The following ASAP1 variants were observed in gnomAD, a reference collection of about 807,000 sequenced individuals.
The protein encoded by ASAP1 is arf-GAP with SH3 domain, ANK repeat and PH domain-containing protein 1.
A neutral mutation model predicts 145.2 loss-of-function variants in ASAP1; 43 were observed. The observed-to-expected ratio is 0.30, with a 90% CI of 0.23 to 0.38. ASAP1 has a LOEUF of 0.38. Among genes scored for constraint, ASAP1 ranks in the 10% least tolerant of loss-of-function variants. The pLI is 1.00. For missense variants in ASAP1, 1,018 were observed against 1,355.3 expected (o/e 0.75, Z 3.91); for synonymous variants, 546 against 515.5 (o/e 1.06, Z -0.80).
chr8:130,224,956 A>G (rs1186495502), intron 4 of ASAP1, among the ~76,000 whole-genome samples: 2 of 152,228 alleles, frequency 1.3e-5, no homozygotes, highest in African/African-American at 4.8e-5. Context: ...AGCAATGCAC[A>G]TATAAAAGGG....
chr8:130,396,297 T>A (rs777895018), intron 2 of ASAP1, among the ~76,000 whole-genome samples: 2 of 152,126 alleles, frequency 1.3e-5, no homozygotes, highest in Non-Finnish European at 1.5e-5. Context: ...TTGCCATGAG[T>A]CTTATTCATG....
intron 3 of ASAP1, among the ~76,000 whole-genome samples, chr8:130,307,881 C>T (rs759325562): frequency 6.6e-6 from 1 of 152,126 alleles, no homozygotes; most frequent in African/African-American, 2.4e-5. Flanking sequence ...AGTTGCCTTT[C>T]CTAATATATA....
intron 1 of ASAP1, among the ~76,000 whole-genome samples, chr8:130,435,623 T>C (rs1830286161): frequency 6.6e-6 from 1 of 152,230 alleles, no homozygotes; most frequent in Non-Finnish European, 1.5e-5. Flanking sequence ...AGACTGAATA[T>C]TAAGCTAGCT....
intron 1 of ASAP1, among the ~76,000 whole-genome samples, chr8:130,417,553 A>G (rs1467345737): frequency 1.3e-5 from 2 of 151,990 alleles, no homozygotes; most frequent in Non-Finnish European, 2.9e-5. Flanking sequence ...GAGGGTCCGA[A>G]TTTGCAGAAC....
At chr8:130,420,976 C>T (rs1227756828) in intron 1 of ASAP1, among the ~76,000 whole-genome samples, 1 of 151,972 alleles carries the variant, frequency 6.6e-6, no homozygotes, top group Admixed American at 6.6e-5. Flanking sequence ...ATAATACCTA[C>T]TTGGTAGAAT....
chr8:130,265,203 T>C (rs1314981600), intron 3 of ASAP1, among the ~76,000 whole-genome samples: 1 of 152,096 alleles, frequency 6.6e-6, no homozygotes, highest in East Asian at 1.9e-4. Flanking sequence ...TAAATGTTTC[T>C]AGAAGTGAAT....
At chr8:130,353,018 C>T (rs888866153) in intron 3 of ASAP1, among the ~76,000 whole-genome samples, 1 of 152,170 alleles carries the variant, frequency 6.6e-6, no homozygotes, top group Non-Finnish European at 1.5e-5. Flanking sequence ...CACTGCTGGG[C>T]ACATAGGAGG....
At chr8:130,107,859 CTT>C (rs1480845931) in intron 24 of ASAP1, among the ~76,000 whole-genome samples, 3 of 152,146 alleles carry the variant, frequency 2.0e-5, no homozygotes, top group Non-Finnish European at 2.9e-5. Flanking sequence ...ACCATAGTCT[CTT>C]TTGTGTGGCA....
At chr8:130,118,134 A>G in intron 20 of ASAP1, 27 bp downstream of exon 20, 1 of 1,596,638 alleles carries the variant, frequency 6.3e-7, no homozygotes, top group Non-Finnish European at 8.6e-7. Flanking sequence ...TATTCAGGTA[A>G]TTCAACAGAG....
intron 1 of ASAP1, among the ~76,000 whole-genome samples, chr8:130,422,355 C>T (rs919149381): frequency 1.3e-5 from 2 of 152,204 alleles, no homozygotes; most frequent in African/African-American, 4.8e-5. Context: ...CAGAGAAACA[C>T]TGATTTAATC....
chr8:130,119,207 G>A (rs2097561473), intron 18 of ASAP1, among the ~76,000 whole-genome samples: 1 of 152,176 alleles, frequency 6.6e-6, no homozygotes, highest in Non-Finnish European at 1.5e-5. Flanking sequence ...GCCTCCCAAA[G>A]AGTTGGGATT....
chr8:130,164,674 TTAATA>T (rs775274036), intron 11 of ASAP1, among the ~76,000 whole-genome samples: 1 of 152,194 alleles, frequency 6.6e-6, no homozygotes, highest in Non-Finnish European at 1.5e-5. Context: ...TTACAAAAGC[TTAATA>T]TAATTTCATA....
chr8:130,245,838 T>C (rs1440779803), intron 3 of ASAP1, among the ~76,000 whole-genome samples: 6 of 152,182 alleles, frequency 3.9e-5, no homozygotes, highest in Admixed American at 1.3e-4. Flanking sequence ...TTAGTGTTTA[T>C]TACAATCACT....
chr8:130,292,419 T>A (rs1822003586), intron 3 of ASAP1, among the ~76,000 whole-genome samples: 2 of 152,102 alleles, frequency 1.3e-5, no homozygotes, highest in Non-Finnish European at 2.9e-5. Context: ...CCCAATCCCA[T>A]CCCAGAGGGA....
intron 27 of ASAP1, among the ~76,000 whole-genome samples, chr8:130,068,158 G>A (rs1446981319): frequency 6.6e-6 from 1 of 152,156 alleles, no homozygotes; most frequent in Non-Finnish European, 1.5e-5. Context: ...TTGGGGCACT[G>A]GATGCATAAA....
intron 24 of ASAP1, among the ~76,000 whole-genome samples, chr8:130,111,750 C>A (rs2097547266): frequency 6.6e-6 from 1 of 152,318 alleles, no homozygotes; most frequent in African/African-American, 2.4e-5. Context: ...CAGATTGAAT[C>A]TCAACTTTAC....
At chr8:130,161,500 C>T in intron 11 of ASAP1, among the ~76,000 whole-genome samples, 1 of 152,192 alleles carries the variant, frequency 6.6e-6, no homozygotes, top group East Asian at 1.9e-4. Flanking sequence ...CCTGAGTATA[C>T]AACATAAGCC....
intron 15 of ASAP1, among the ~76,000 whole-genome samples, chr8:130,129,682 A>T (rs2097580256): frequency 6.6e-6 from 1 of 152,230 alleles, no homozygotes. Context: ...CAATAGTGAC[A>T]GCATAAGAAT....
intron 14 of ASAP1, among the ~76,000 whole-genome samples, chr8:130,136,251 CTT>C (rs2097594462): frequency 6.6e-6 from 1 of 152,146 alleles, no homozygotes; most frequent in African/African-American, 2.4e-5. Context: ...CCCCCCAACT[CTT>C]TACACACTAT....
Sources: allele counts gnomAD v4.1 joint callset (sites outside exome capture counted in the v4.1 genomes callset), GRCh38; gene constraint gnomAD v4.1.1; transcripts MANE v1.5; gene names NCBI Gene and HGNC (gene_info 2026-07-23, HGNC 2026-07-21).